The following ARHGAP44 variants were observed in gnomAD, a reference collection of about 807,000 sequenced individuals.
ARHGAP44 encodes the protein Rho GTPase activating protein 44.
ARHGAP44 carries 43 observed loss-of-function variants against 106.8 expected under a neutral mutation model. That is an observed-to-expected ratio of 0.40 (90% confidence interval 0.32 to 0.52). The LOEUF is 0.52. Ranked by LOEUF, ARHGAP44 falls within the 20% of genes least tolerant of loss-of-function variation. The probability of loss-of-function intolerance (pLI) is 0.48; values close to 1 mark genes in which losing one functional copy is unlikely to be tolerated. For missense variants in ARHGAP44, 866 were observed against 1,050.5 expected (o/e 0.82, Z 2.43); for synonymous variants, 439 against 410.3 (o/e 1.07, Z -0.85).
At chr17:12,869,157 G>C (rs1435741214) in intron 1 of ARHGAP44, among the ~76,000 whole-genome samples, 1 of 152,148 alleles carries the variant, frequency 6.6e-6, no homozygotes, top group Non-Finnish European at 1.5e-5. Context: ...GAGAGACTCA[G>C]AGAGCAGTGA....
At chr17:12,968,494 T>G (rs974059158) in intron 16 of ARHGAP44, among the ~76,000 whole-genome samples, 34 of 152,274 alleles carry the variant, frequency 2.2e-4, no homozygotes, top group Admixed American at 1.2e-3. Flanking sequence ...TCCTGCCTCC[T>G]TTACTGCCCC....
chr17:12,867,743 T>C (rs1567657890), intron 1 of ARHGAP44, among the ~76,000 whole-genome samples: 1 of 152,104 alleles, frequency 6.6e-6, no homozygotes, highest in African/African-American at 2.4e-5. Context: ...AGGAAAATAA[T>C]GTGAAGGAGT....
chr17:12,890,138 T>G (rs2036998724), intron 1 of ARHGAP44, among the ~76,000 whole-genome samples: 1 of 152,088 alleles, frequency 6.6e-6, no homozygotes, highest in Admixed American at 6.6e-5. Flanking sequence ...AGGCATTGCC[T>G]TAGTGAGTAC....
At chr17:12,848,743 A>G (rs1227728804) in intron 1 of ARHGAP44, among the ~76,000 whole-genome samples, 2 of 152,100 alleles carry the variant, frequency 1.3e-5, no homozygotes, top group Non-Finnish European at 2.9e-5. Context: ...AACTAAATAC[A>G]TGTTAATCAA....
rs1397444366 is a variant in ARHGAP44 at position 12,958,621 on chromosome 17, A to C, written c.1343-96A>C. On this transcript the variant is annotated intron_variant, in intron 15 of 20. Transcript: ENST00000379672. The surrounding 1 kb of genome is among the most constrained non-coding windows in gnomAD (Gnocchi z 4.1). ...TGGGATGAAATTTTCTAGGGATGAC[A>C]TACGAGGGAGTGGGTGTCTGGACTC... is the stretch of plus-strand genomic sequence containing the variant. 16 of 1,197,006 alleles carry C rather than the reference A, an allele frequency of 1.3e-5. No homozygotes were observed. Among genetic ancestry groups the C allele is most frequent in the Non-Finnish European group, 1.9e-5 (16 of 841,178 alleles). The allele number at this position is 1,197,006 out of a possible 1,614,324, so 74.1% of individuals were successfully genotyped here.
At chr17:12,886,847 C>T (rs28485878) in intron 1 of ARHGAP44, among the ~76,000 whole-genome samples, 29,651 of 151,900 alleles carry the variant, frequency 0.2, 3,642 homozygotes, top group East Asian at 0.44. Flanking sequence ...GGAGCAAATG[C>T]ACTTGCCTTG....
rs2014260 is a variant in ARHGAP44, at chr17:12,930,514, A to G, written c.582+1468A>G. ...CGGCCTCACAAAGTGCTGGGATTAC[A>G]GGCGTGAGCCACCGTGCCTGGCCTA... On this transcript the variant is annotated intron_variant, in intron 7 of 20. Coordinates refer to ENST00000379672, the MANE Select transcript of ARHGAP44 (RefSeq NM_014859.6). 3.0e-3 allele frequency among the ~76,000 whole-genome samples: 455 copies of G among 152,332 alleles called. 10 individuals carry two copies. The East Asian group carries it at 0.057, about 19-fold the overall frequency.
chr17:12,980,634 C>T (rs2039807685), intron 19 of ARHGAP44, among the ~76,000 whole-genome samples: 1 of 152,184 alleles, frequency 6.6e-6, no homozygotes, highest in Non-Finnish European at 1.5e-5. Context: ...CTAGATCACT[C>T]GTACAGGGTG....
chr17:12,879,683 G>GTGTATATATATA (rs1555550538), intron 1 of ARHGAP44, among the ~76,000 whole-genome samples: 1 of 113,334 alleles, frequency 8.8e-6, no homozygotes, highest in African/African-American at 2.7e-5. Context: ...GTGTGTATGT[G>GTGTATATATATA]TATATATATA....
intron 1 of ARHGAP44, among the ~76,000 whole-genome samples, chr17:12,883,759 C>A (rs976563014): frequency 1.3e-5 from 2 of 152,104 alleles, no homozygotes; most frequent in African/African-American, 4.8e-5. Context: ...TACAGACTTA[C>A]AAGTGGTTAA....
chr17:12,976,633 G>A (rs932783882), intron 18 of ARHGAP44, among the ~76,000 whole-genome samples: 4 of 116,182 alleles, frequency 3.4e-5, no homozygotes, highest in Non-Finnish European at 5.4e-5. Flanking sequence ...AAAAAAAAAA[G>A]TATTTTCACT....
chr17:12,964,406 C>T (rs2039340203), intron 16 of ARHGAP44, among the ~76,000 whole-genome samples: 1 of 152,188 alleles, frequency 6.6e-6, no homozygotes, highest in African/African-American at 2.4e-5. Flanking sequence ...TCAGATGCCT[C>T]CACTGGCTAC....
intron 1 of ARHGAP44, among the ~76,000 whole-genome samples, chr17:12,805,776 C>T (rs929750304): frequency 6.6e-6 from 1 of 152,180 alleles, no homozygotes; most frequent in Non-Finnish European, 1.5e-5. Flanking sequence ...CTCTTAGCAT[C>T]AGTACCTGTG....
chr17:12,895,378 C>G (rs1349871035), intron 2 of ARHGAP44, among the ~76,000 whole-genome samples: 1 of 152,146 alleles, frequency 6.6e-6, no homozygotes, highest in African/African-American at 2.4e-5. Context: ...CACTGCCCCT[C>G]CAGTTCTCCA....
At chr17:12,814,635 A>G (rs1023164249) in intron 1 of ARHGAP44, among the ~76,000 whole-genome samples, 8 of 152,086 alleles carry the variant, frequency 5.3e-5, no homozygotes, top group African/African-American at 1.7e-4. Context: ...GCAAGTTCAT[A>G]TATTGATGGG....
At chr17:12,798,516 T>C (rs2033993344) in intron 1 of ARHGAP44, among the ~76,000 whole-genome samples, 1 of 152,186 alleles carries the variant, frequency 6.6e-6, no homozygotes, top group African/African-American at 2.4e-5. Context: ...ACATCAATGA[T>C]AGAGTCAGTA....
intron 16 of ARHGAP44, among the ~76,000 whole-genome samples, chr17:12,969,414 C>G (rs1339182782): frequency 6.6e-6 from 1 of 152,196 alleles, no homozygotes; most frequent in Non-Finnish European, 1.5e-5. Flanking sequence ...GCCACAGTTT[C>G]ATTGGCTCCT....
At chr17:12,966,545 T>A (rs1033143058) in intron 16 of ARHGAP44, among the ~76,000 whole-genome samples, 1 of 152,194 alleles carries the variant, frequency 6.6e-6, no homozygotes, top group African/African-American at 2.4e-5. Context: ...GGCTAAGTCT[T>A]AGGAGCTTTG....
At chr17:12,925,006 G>A (rs118176907) in intron 6 of ARHGAP44, among the ~76,000 whole-genome samples, 1,874 of 152,244 alleles carry the variant, frequency 0.012, 23 homozygotes, top group Non-Finnish European at 0.021. Flanking sequence ...AATTCTGGAG[G>A]CGGGGCAGTG....
Sources: allele counts gnomAD v4.1 joint callset (sites outside exome capture counted in the v4.1 genomes callset), GRCh38; gene constraint gnomAD v4.1.1; non-coding constraint Gnocchi (gnomAD v3.1); transcripts MANE v1.5; gene names NCBI Gene and HGNC (gene_info 2026-07-23, HGNC 2026-07-21).